Variants in LRRCC1 observed in about 807,000 individuals in gnomAD.
LRRCC1 encodes the protein leucine rich repeat and coiled-coil centrosomal protein 1, also known as leucine-rich repeat and coiled-coil domain-containing protein 1.
In LRRCC1, 115 loss-of-function variants were observed where a neutral mutation model predicts 126.0. That is an observed-to-expected ratio of 0.91 (90% CI 0.78 to 1.07). The LOEUF is 1.07. LRRCC1 is among the 50% of genes least tolerant of loss of function. The pLI is 0.00. For missense variants in LRRCC1, 1,172 were observed against 1,175.7 expected (o/e 1.00, Z 0.05); for synonymous variants, 400 against 393.4 (o/e 1.02, Z -0.20).
intron 6 of LRRCC1, among the ~76,000 whole-genome samples, chr8:85,120,496 A>G (rs79960246): frequency 0.024 from 3,666 of 152,276 alleles, 133 homozygotes; most frequent in African/African-American, 0.084. Flanking sequence ...TCATCATGAA[A>G]TGTTCCTCTT....
intron 6 of LRRCC1, among the ~76,000 whole-genome samples, chr8:85,119,068 A>C (rs1177837465): frequency 6.6e-6 from 1 of 152,062 alleles, no homozygotes; most frequent in Non-Finnish European, 1.5e-5. Flanking sequence ...CATTTGTAGA[A>C]AAGGCTCTTC....
Position 85,129,903 on chromosome 8 carries a change from T to C in LRRCC1, c.1627-16T>C, listed in dbSNP as rs376825410. 2.7e-6 allele frequency: 4 copies of C among 1,500,680 alleles called. No homozygotes were observed. The African/African-American group carries it at 4.4e-5, about 16-fold the overall frequency. 93.0% of individuals were successfully genotyped at this position (1,500,680 alleles called of 1,614,324 possible). On this transcript the variant is annotated splice_polypyrimidine_tract_variant and intron_variant, in intron 10 of 18. Coordinates refer to ENST00000360375, the MANE Select transcript of LRRCC1 (RefSeq NM_033402.5). ...GACTATTATCTAAATAATGTAATTG[T>C]GGGTATTTTACTCAGATAAGACTGA...
At chr8:85,144,472 ATATTTT>A (rs1251827035) in intron 18 of LRRCC1, among the ~76,000 whole-genome samples, 2 of 30,064 alleles carry the variant, frequency 6.7e-5, no homozygotes, top group South Asian at 1.3e-3. Flanking sequence ...ATATATATAT[ATATTTT>A]TTTTTTTTTT....
intron 3 of LRRCC1, 110 bp from the exon 4 acceptor site, chr8:85,112,822 C>G: frequency 3.0e-6 from 2 of 663,862 alleles, no homozygotes; most frequent in Non-Finnish European, 4.9e-6. Flanking sequence ...ACAGCAAGAT[C>G]TAATGCTGCC....
At chr8:85,136,304 T>G (rs1363846383) in intron 14 of LRRCC1, among the ~76,000 whole-genome samples, 1 of 152,158 alleles carries the variant, frequency 6.6e-6, no homozygotes, top group Non-Finnish European at 1.5e-5. Context: ...GACAGAGTTT[T>G]GCTCTCGTTG....
intron 9 of LRRCC1, among the ~76,000 whole-genome samples, chr8:85,127,523 A>G (rs868698757): frequency 7.4e-4 from 113 of 152,150 alleles, no homozygotes; most frequent in African/African-American, 2.7e-3. Context: ...ATTTGCTAAC[A>G]CACTTTGGGA....
intron 6 of LRRCC1, among the ~76,000 whole-genome samples, chr8:85,116,504 C>T (rs1809136729): frequency 6.6e-6 from 1 of 152,050 alleles, no homozygotes; most frequent in African/African-American, 2.4e-5. Flanking sequence ...TCCTGCGTAG[C>T]TGGGACTACA....
chr8:85,110,210 G>A, intron 3 of LRRCC1, 30 bp downstream of exon 3: 1 of 948,944 alleles, frequency 1.1e-6, no homozygotes, highest in Non-Finnish European at 1.5e-6. Flanking sequence ...TTTTCTGTAT[G>A]CTAAATGTTG....
intron 15 of LRRCC1, 86 bp downstream of exon 15, chr8:85,137,713 T>C (rs1455805891): frequency 2.0e-6 from 2 of 1,021,914 alleles, no homozygotes; most frequent in Non-Finnish European, 2.7e-6. Context: ...TGTTTTTCAG[T>C]GTTTTCCAAC....
Position 85,145,545 on chromosome 8 carries a change from A to T in LRRCC1, c.*34A>T. 6.5e-7 allele frequency: 1 copy of T among 1,533,446 alleles called. No individual in the cohort carries two copies. Among genetic ancestry groups the T allele is most frequent in the Non-Finnish European group, 8.7e-7 (1 of 1,146,090 alleles). The allele number at this position is 1,533,446 out of a possible 1,614,324, so 95.0% of individuals were successfully genotyped here. ...AGAATGAATTTAATTGAAATAGACC[A>T]GCAGACCTATTGTAAAAATGATTAA... On this transcript the variant is annotated 3_prime_UTR_variant, in exon 19 of 19. Coordinates refer to ENST00000360375, the MANE Select transcript of LRRCC1 (RefSeq NM_033402.5).
chr8:85,125,440 G>A (rs1172032769), intron 8 of LRRCC1, among the ~76,000 whole-genome samples: 3 of 151,718 alleles, frequency 2.0e-5, no homozygotes, highest in African/African-American at 7.3e-5. Context: ...TTGGGAGGCC[G>A]AGGCGGGCGG....
intron 11 of LRRCC1, 77 bp downstream of exon 11, chr8:85,130,135 ATTTT>A (rs11312968): frequency 3.0e-3 from 1,864 of 625,498 alleles, no homozygotes; most frequent in Middle Eastern, 5.5e-3. Context: ...CACTACCAGT[ATTTT>A]TTTTTTTTTT....
chr8:85,123,358 T>G lies in LRRCC1; in HGVS notation c.931-55T>G, dbSNP rs1049518546. 6.0e-6 allele frequency: 7 copies of G among 1,159,490 alleles called. No homozygotes were observed. In the Admixed American group the frequency reaches 1.6e-4, roughly 27 times the overall value. The allele number at this position is 1,159,490 out of a possible 1,614,324, so 71.8% of individuals were successfully genotyped here. A position where few individuals can be genotyped will look rare whatever the true frequency, so the allele number is the denominator to read the frequency against. On this transcript the variant is annotated intron_variant, in intron 6 of 18. Transcript: ENST00000360375. ...ATAATATTTCAGAAGATTTCCAATT[T>G]CAATCTTTTTTATACTGAACTTTTA...
intron 9 of LRRCC1, among the ~76,000 whole-genome samples, chr8:85,128,332 C>T (rs1810168161): frequency 6.6e-6 from 1 of 152,106 alleles, no homozygotes; most frequent in Non-Finnish European, 1.5e-5. Context: ...TCTTACTTAA[C>T]CTATTGTTGT....
intron 6 of LRRCC1, among the ~76,000 whole-genome samples, chr8:85,118,119 A>C (rs1485454586): frequency 6.6e-6 from 1 of 152,112 alleles, no homozygotes; most frequent in African/African-American, 2.4e-5. Flanking sequence ...TAATATAAAT[A>C]GAATCATTCA....
At chr8:85,115,674 C>A (rs533602821) in intron 6 of LRRCC1, 90 bp downstream of exon 6, 5 of 913,664 alleles carry the variant, frequency 5.5e-6, no homozygotes, top group South Asian at 5.0e-5. Context: ...ACTAGCTGAC[C>A]AACCTATTTT....
At chr8:85,141,352 T>A in intron 17 of LRRCC1, 30 bp from the exon 18 acceptor site, 1 of 1,588,368 alleles carries the variant, frequency 6.3e-7, no homozygotes. Context: ...CATATACACA[T>A]ATATATGTGG....
In LRRCC1 at chr8:85,112,917, A is replaced by G; in HGVS notation, c.377-15A>G. Reference sequence around the variant, plus strand: ...CTATTGCTGTGGCATTTAAAGAATTATGTTCCTATTGCAGGATTGATTCCC... The same window carrying G: ...CTATTGCTGTGGCATTTAAAGAATTGTGTTCCTATTGCAGGATTGATTCCC... On this transcript the variant is annotated splice_polypyrimidine_tract_variant and intron_variant, in intron 3 of 18. Coordinates refer to ENST00000360375, the MANE Select transcript of LRRCC1 (RefSeq NM_033402.5). 6.5e-7 allele frequency: 1 copy of G among 1,537,372 alleles called. No individual in the cohort carries two copies. The highest frequency in any genetic ancestry group is 1.2e-5 in the South Asian group (1 of 80,128).
intron 17 of LRRCC1, 114 bp downstream of exon 17, chr8:85,138,589 C>A: frequency 3.7e-6 from 4 of 1,092,280 alleles, no homozygotes; most frequent in Non-Finnish European, 5.2e-6. Flanking sequence ...TAGTTATTTG[C>A]CAAGAAGTTT....
Sources: gnomAD v4.1 joint callset for allele counts (sites outside exome capture counted in the v4.1 genomes callset) on GRCh38, gnomAD v4.1.1 for gene constraint, MANE v1.5 for transcripts, NCBI Gene and HGNC (gene_info 2026-07-23, HGNC 2026-07-21) for gene names.